LRFN5: variants seen among roughly 807,000 people sequenced by gnomAD.
The protein encoded by LRFN5 is leucine-rich repeat and fibronectin type-III domain-containing protein 5.
In LRFN5, 24 loss-of-function variants were observed where a neutral mutation model predicts 45.6. The observed-to-expected ratio is 0.53, with a 90% CI of 0.38 to 0.74. The LOEUF is 0.74. LRFN5 is among the 30% of genes least tolerant of loss of function. The pLI is 0.00. For synonymous variants in LRFN5, 340 were observed against 313.8 expected (o/e 1.08, Z -0.88); for missense variants, 776 against 861.5 (o/e 0.90, Z 1.24).
At chr14:41,894,796 T>C in intron 4 of LRFN5, 1 of 981,498 alleles carries the variant, frequency 1.0e-6, no homozygotes, top group Non-Finnish European at 1.2e-6. Flanking sequence ...GTTAGTACAA[T>C]ACAGATTTGT....
intron 2 of LRFN5, among the ~76,000 whole-genome samples, chr14:41,883,224 TA>T (rs2139143160): frequency 6.6e-6 from 1 of 152,124 alleles, no homozygotes; most frequent in African/African-American, 2.4e-5. Flanking sequence ...TTCCAAAGAT[TA>T]TAATGTTACT....
chr14:41,764,386 G>A (rs1012781273), intron 1 of LRFN5, among the ~76,000 whole-genome samples: 1 of 152,034 alleles, frequency 6.6e-6, no homozygotes, highest in Non-Finnish European at 1.5e-5. Flanking sequence ...ATGTTTTATG[G>A]TAGCTGGCAC....
At chr14:41,876,623 A>G (rs1374750334) in intron 2 of LRFN5, among the ~76,000 whole-genome samples, 2 of 150,928 alleles carry the variant, frequency 1.3e-5, no homozygotes, top group East Asian at 3.9e-4. Flanking sequence ...ACTCCCTTTC[A>G]CCTGTAAAAT....
chr14:41,666,304 A>T (rs1489873089), intron 1 of LRFN5, among the ~76,000 whole-genome samples: 2 of 151,800 alleles, frequency 1.3e-5, no homozygotes, highest in African/African-American at 2.4e-5. Context: ...CTCCCCAATT[A>T]AAAAAAATCT....
intron 2 of LRFN5, among the ~76,000 whole-genome samples, chr14:41,874,553 C>T (rs1890125085): frequency 6.6e-6 from 1 of 152,162 alleles, no homozygotes. Context: ...CTTTGCTATA[C>T]TTTCTTGGGT....
intron 2 of LRFN5, among the ~76,000 whole-genome samples, chr14:41,870,838 C>T (rs1889994599): frequency 6.6e-6 from 1 of 152,070 alleles, no homozygotes; most frequent in Admixed American, 6.6e-5. Flanking sequence ...CAGGGAGTAG[C>T]AATAACAGGG....
At chr14:41,876,277 C>CTTTTTTTT (rs34291427) in intron 2 of LRFN5, among the ~76,000 whole-genome samples, 32 of 100,602 alleles carry the variant, frequency 3.2e-4, no homozygotes, top group Middle Eastern at 0.011. Context: ...CTTTTTCTTT[C>CTTTTTTTT]TTTTTTTTTT....
intron 2 of LRFN5, among the ~76,000 whole-genome samples, chr14:41,787,351 T>A (rs1886759651): frequency 6.6e-6 from 1 of 152,080 alleles, no homozygotes; most frequent in South Asian, 2.1e-4. Flanking sequence ...TAGGTTCTAT[T>A]TGAGTCACTC....
intron 1 of LRFN5, among the ~76,000 whole-genome samples, chr14:41,674,154 C>G (rs1881439358): frequency 7.3e-6 from 1 of 136,844 alleles, no homozygotes; most frequent in African/African-American, 2.8e-5. Flanking sequence ...GGCGGCCGGG[C>G]AGAGGCGCCC....
At chr14:41,840,568 C>T (rs1888824563) in intron 2 of LRFN5, among the ~76,000 whole-genome samples, 2 of 151,970 alleles carry the variant, frequency 1.3e-5, no homozygotes, top group Admixed American at 1.3e-4. Context: ...TAGCCATTGA[C>T]AATGATAAGA....
intron 2 of LRFN5, among the ~76,000 whole-genome samples, chr14:41,832,264 G>T (rs1366713058): frequency 6.6e-6 from 1 of 152,022 alleles, no homozygotes; most frequent in Non-Finnish European, 1.5e-5. Flanking sequence ...GGCTAGTGTT[G>T]CCTGTATTGG....
chr14:41,763,876 T>C (rs758958024), intron 1 of LRFN5, among the ~76,000 whole-genome samples: 1 of 152,162 alleles, frequency 6.6e-6, no homozygotes, highest in Non-Finnish European at 1.5e-5. Context: ...ACAATAATTG[T>C]TAGAGGGAGA....
chr14:41,761,527 G>A (rs1411637076), intron 1 of LRFN5, among the ~76,000 whole-genome samples: 1 of 152,026 alleles, frequency 6.6e-6, no homozygotes, highest in South Asian at 2.1e-4. Flanking sequence ...CACTAAGAGC[G>A]ACAATAATGT....
chr14:41,815,944 A>C (rs1887901377), intron 2 of LRFN5, among the ~76,000 whole-genome samples: 3 of 151,860 alleles, frequency 2.0e-5, no homozygotes, highest in Non-Finnish European at 4.4e-5. Flanking sequence ...AGTGTTTTCT[A>C]TTTGTTGCCC....
At chr14:41,779,951 T>G (rs1886423463) in intron 2 of LRFN5, among the ~76,000 whole-genome samples, 1 of 151,972 alleles carries the variant, frequency 6.6e-6, no homozygotes, top group South Asian at 2.1e-4. Flanking sequence ...AATTATTTTC[T>G]GCTTTAATTA....
chr14:41,736,939 C>G (rs1257928582), intron 1 of LRFN5, among the ~76,000 whole-genome samples: 2 of 152,068 alleles, frequency 1.3e-5, no homozygotes, highest in African/African-American at 4.8e-5. Flanking sequence ...GAGCTGGTAC[C>G]ATTCCTTCTG....
chr14:41,828,211 C>T (rs1390797769), intron 2 of LRFN5, among the ~76,000 whole-genome samples: 1 of 151,936 alleles, frequency 6.6e-6, no homozygotes, highest in Non-Finnish European at 1.5e-5. Context: ...TAGTTTCTTT[C>T]ATTTATTATC....
intron 4 of LRFN5, 108 bp downstream of exon 4, chr14:41,892,070 G>A (rs1489285361): frequency 1.0e-5 from 15 of 1,481,584 alleles, no homozygotes; most frequent in Non-Finnish European, 1.2e-5. Context: ...GAACACATGT[G>A]GACTGTTTCC....
chr14:41,737,750 G>T (rs1320470224), intron 1 of LRFN5, among the ~76,000 whole-genome samples: 1 of 151,982 alleles, frequency 6.6e-6, no homozygotes, highest in Non-Finnish European at 1.5e-5. Flanking sequence ...ATTCACAATT[G>T]CTACAAAGAG....
Sources: gnomAD v4.1 joint callset for allele counts (sites outside exome capture counted in the v4.1 genomes callset) on GRCh38, gnomAD v4.1.1 for gene constraint, MANE v1.5 for transcripts, NCBI Gene and HGNC (gene_info 2026-07-23, HGNC 2026-07-21) for gene names.